The following SMIM19 variants were observed in gnomAD, a reference collection of about 807,000 sequenced individuals.
The protein encoded by SMIM19 is small integral membrane protein 19, also known as UPF0697 protein C8orf40.
SMIM19 carries 6 observed loss-of-function variants against 13.2 expected under a neutral mutation model. The observed-to-expected ratio is 0.45, with a 90% CI of 0.25 to 0.90. SMIM19 has a LOEUF of 0.90. SMIM19 is among the 40% of genes least tolerant of loss of function. SMIM19 has a pLI of 0.19. For synonymous variants in SMIM19, 46 were observed against 43.1 expected (o/e 1.07, Z -0.27); for missense variants, 138 against 131.0 (o/e 1.05, Z -0.26).
intron 3 of SMIM19, among the ~76,000 whole-genome samples, chr8:42,550,759 A>G (rs1813648141): frequency 6.6e-6 from 1 of 152,146 alleles, no homozygotes; most frequent in Admixed American, 6.5e-5. Flanking sequence ...ATTATGGGTT[A>G]AGATGTGGAC....
At chr8:42,547,398 G>A (rs1185807152) in intron 2 of SMIM19, among the ~76,000 whole-genome samples, 2 of 151,846 alleles carry the variant, frequency 1.3e-5, no homozygotes, top group East Asian at 3.9e-4. Context: ...GAAATGAAGA[G>A]TTAAGTACCA....
Position 42,542,557 on chromosome 8 carries a change from G to A in SMIM19, c.-5+184G>A. ...AGAGACAAAAATGATAACATTCAAG[G>A]CACGATGACAAGCGGTGGTCAATTT... On this transcript the variant is annotated intron_variant, in intron 1 of 3. Coordinates refer to ENST00000417410, the MANE Select transcript of SMIM19 (RefSeq NM_001135674.2). The A allele has an allele frequency of 4.8e-6, 4 of 829,724 alleles. No homozygotes were observed. The South Asian group carries it at 2.2e-4, about 45-fold the overall frequency. 51.4% of individuals were successfully genotyped at this position (829,724 alleles called of 1,614,324 possible).
chr8:42,546,852 G>T (rs1431235143), intron 2 of SMIM19, among the ~76,000 whole-genome samples: 1 of 151,678 alleles, frequency 6.6e-6, no homozygotes, highest in Non-Finnish European at 1.5e-5. Context: ...GCATGGTGGT[G>T]CGTGCCTGTA....
chr8:42,546,466 C>T lies in SMIM19; in HGVS notation c.-4-3C>T, dbSNP rs1236835577. 13 of 1,600,384 alleles carry T rather than the reference C, an allele frequency of 8.1e-6. No homozygotes were observed. The highest frequency in any genetic ancestry group is 1.1e-5 in the Non-Finnish European group (13 of 1,176,444). On this transcript the variant is annotated splice_region_variant and splice_polypyrimidine_tract_variant and intron_variant, in intron 1 of 3. Transcript: ENST00000417410. ...AAACCCTGCTTTCTTTTCTCTCTTA[C>T]AGCCCCATGGCTGGGGGTTATGGAG...
chr8:42,545,572 C>T (rs1813449932), intron 1 of SMIM19, among the ~76,000 whole-genome samples: 1 of 152,136 alleles, frequency 6.6e-6, no homozygotes, highest in South Asian at 2.1e-4. Flanking sequence ...GCTCTGTCAC[C>T]CAGGCTGCAT....
chr8:42,542,149 A>T lies in SMIM19; in HGVS notation c.-229A>T, dbSNP rs922248202. The T allele has an allele frequency of 3.9e-5, 6 of 151,956 alleles. No homozygotes were observed. The highest frequency in any genetic ancestry group is 1.5e-4 in the African/African-American group (6 of 41,332). The allele number at this position is 151,956 out of a possible 1,614,324, so 9.4% of individuals were successfully genotyped here. A position where few individuals can be genotyped will look rare whatever the true frequency, so the allele number is the denominator to read the frequency against. Reference sequence around the variant, plus strand: ...GCAGGATCGGGGCCAAGACTGGAAGAGTTCAGGTTTGGGAGTCGTGTGTAT... The same window carrying T: ...GCAGGATCGGGGCCAAGACTGGAAGTGTTCAGGTTTGGGAGTCGTGTGTAT... On this transcript the variant is annotated 5_prime_UTR_variant, in exon 1 of 4. Transcript: ENST00000417410.
At chr8:42,547,730 TAA>T (rs1171937529) in intron 2 of SMIM19, among the ~76,000 whole-genome samples, 1 of 152,254 alleles carries the variant, frequency 6.6e-6, no homozygotes, top group African/African-American at 2.4e-5. Flanking sequence ...CCATATAGTG[TAA>T]ATCTTCAATA....
Position 42,542,007 on chromosome 8 carries a change from T to A in SMIM19, c.-371T>A, listed in dbSNP as rs1813241076. The A allele has an allele frequency of 1.3e-5, 2 of 152,088 alleles. No individual in the cohort carries two copies. The highest frequency in any genetic ancestry group is 1.3e-4 in the Admixed American group (2 of 15,274). 9.4% of individuals were successfully genotyped at this position (152,088 alleles called of 1,614,324 possible). Reference sequence around the variant, plus strand: ...GGTTGAGGCTGAATCACGCGCAGCCTGCGGGCGGCGGAAACGTCCCTAGAG... The same window carrying A: ...GGTTGAGGCTGAATCACGCGCAGCCAGCGGGCGGCGGAAACGTCCCTAGAG... On this transcript the variant is annotated 5_prime_UTR_variant, in exon 1 of 4. Transcript: ENST00000417410.
chr8:42,544,778 T>C (rs1813420648), intron 1 of SMIM19, among the ~76,000 whole-genome samples: 1 of 152,218 alleles, frequency 6.6e-6, no homozygotes, highest in Non-Finnish European at 1.5e-5. Context: ...ACATGCCATG[T>C]GGCTTAGGAA....
At chr8:42,544,338 G>A (rs1194622824) in intron 1 of SMIM19, among the ~76,000 whole-genome samples, 3 of 151,800 alleles carry the variant, frequency 2.0e-5, no homozygotes, top group Non-Finnish European at 2.9e-5. Flanking sequence ...GTGAACCCGG[G>A]AGGCGGAGCT....
At position 42,554,735 on chromosome 8, in the gene SMIM19, AC is replaced by A. The variant is rs751885638; in HGVS notation, c.*2130del. 11 of 152,348 alleles carry A rather than the reference AC, an allele frequency of 7.2e-5. No individual in the cohort carries two copies. In the East Asian group the frequency reaches 1.9e-3, roughly 27 times the overall value. The allele number at this position is 152,348 out of a possible 1,614,324, so 9.4% of individuals were successfully genotyped here. On this transcript the variant is annotated 3_prime_UTR_variant, in exon 4 of 4. Coordinates refer to ENST00000417410, the MANE Select transcript of SMIM19 (RefSeq NM_001135674.2). The stretch of plus-strand genomic sequence containing the variant: ...GGCGCTGACTGGCTGTCCTGCTTCT[AC>A]CCAACATCCACCTGAGACTCAACAG...
At chr8:42,545,787 C>CCCA (rs1446525721) in intron 1 of SMIM19, among the ~76,000 whole-genome samples, 3 of 152,342 alleles carry the variant, frequency 2.0e-5, no homozygotes, top group African/African-American at 7.2e-5. Context: ...ACCTCGGCCT[C>CCCA]CCAGAGTGCT....
Position 42,546,597 on chromosome 8 carries a change from A to AT in SMIM19, c.126dup (p.Ala43CysfsTer28). The AT allele has an allele frequency of 6.2e-7, 1 of 1,608,840 alleles. No homozygotes were observed. The highest frequency in any genetic ancestry group is 8.5e-7 in the Non-Finnish European group (1 of 1,178,812). On this transcript the variant is annotated frameshift_variant, in exon 2 of 4. Coordinates refer to ENST00000417410, the MANE Select transcript of SMIM19 (RefSeq NM_001135674.2). LOFTEE classifies it high-confidence loss of function. ...CTTGTTAGCTTCGGTCTCTTCATGT[A>AT]TGCCAAAAGGTAAATTTTTGTTTCT...
chr8:42,543,692 C>T (rs553774056), intron 1 of SMIM19, among the ~76,000 whole-genome samples: 3 of 152,126 alleles, frequency 2.0e-5, no homozygotes, highest in Admixed American at 6.6e-5. Flanking sequence ...AGAAATTAAC[C>T]TGGTTCTGAT....
rs1813742561 is a variant in SMIM19, at chr8:42,553,764, AC to A, written c.*1157del. 1 of 152,220 alleles carries A rather than the reference AC, an allele frequency of 6.6e-6. No individual in the cohort carries two copies. Among genetic ancestry groups the A allele is most frequent in the Non-Finnish European group, 1.5e-5 (1 of 68,058 alleles). The allele number at this position is 152,220 out of a possible 1,614,324, so 9.4% of individuals were successfully genotyped here. A position where few individuals can be genotyped will look rare whatever the true frequency, so the allele number is the denominator to read the frequency against. On this transcript the variant is annotated 3_prime_UTR_variant, in exon 4 of 4. Transcript: ENST00000417410. ...TTTGGGAGGCCAAGGTGGGAGGATC[AC>A]GAGGTCAGGAGTTTGAGACCAGCCT...
intron 1 of SMIM19, 100 bp downstream of exon 1, chr8:42,542,473 A>T (rs1427016722): frequency 2.0e-6 from 2 of 985,116 alleles, no homozygotes; most frequent in East Asian, 1.1e-4. Flanking sequence ...GTTGTAAGGG[A>T]CTCTAGGAAC....
In SMIM19 at chr8:42,541,607, C is replaced by T. The variant is rs1329755769; in HGVS notation, c.-771C>T. On this transcript the variant is annotated 5_prime_UTR_variant, in exon 1 of 4. Coordinates refer to ENST00000417410, the MANE Select transcript of SMIM19 (RefSeq NM_001135674.2). The stretch of plus-strand genomic sequence containing the variant: ...GACGAAGGCAGAGGGCGTCCAGGTC[C>T]GCTCGGTAACCGTTTCCCGCGCGCC... 1.3e-5 allele frequency: 2 copies of T among 149,736 alleles called. No individual in the cohort carries two copies. Among genetic ancestry groups the T allele is most frequent in the African/African-American group, 4.9e-5 (2 of 41,134 alleles). The allele number at this position is 149,736 out of a possible 1,614,324, so 9.3% of individuals were successfully genotyped here.
intron 1 of SMIM19, among the ~76,000 whole-genome samples, chr8:42,544,765 G>A (rs901482355): frequency 6.6e-5 from 10 of 152,188 alleles, no homozygotes; most frequent in African/African-American, 2.4e-4. Flanking sequence ...CAGAAAGGCA[G>A]AAACATGCCA....
At chr8:42,548,134 A>C (rs1051049029) in intron 2 of SMIM19, among the ~76,000 whole-genome samples, 6 of 152,166 alleles carry the variant, frequency 3.9e-5, no homozygotes, top group African/African-American at 1.4e-4. Flanking sequence ...TTTCCTCTAA[A>C]AACAGCCACC....
Sources: gnomAD v4.1 joint callset for allele counts (sites outside exome capture counted in the v4.1 genomes callset) on GRCh38, gnomAD v4.1.1 for gene constraint, MANE v1.5 for transcripts, NCBI Gene and HGNC (gene_info 2026-07-23, HGNC 2026-07-21) for gene names.